The following DYNC2H1 variants were observed in gnomAD, a reference collection of about 807,000 sequenced individuals.
DYNC2H1 encodes the protein cytoplasmic dynein 2 heavy chain 1.
DYNC2H1 carries 410 observed loss-of-function variants against 570.0 expected under a neutral mutation model. The ratio of observed to expected loss-of-function variants is 0.72; its 90% CI spans 0.66 to 0.78. The LOEUF (loss-of-function observed/expected upper bound fraction) is 0.78. DYNC2H1 is among the 30% of genes least tolerant of loss of function. The pLI is 0.00. For synonymous variants in DYNC2H1, 1,688 were observed against 1,677.6 expected (o/e 1.01, Z -0.15); for missense variants, 4,865 against 5,046.4 (o/e 0.96, Z 1.09).
rs34816989 is a variant in DYNC2H1 at position 103,166,990 on chromosome 11, CTTTTTTT to C, written c.4762+957_4762+963del. ...TGGGTTTGGATCTCTGAGGCGCTGCCTTTTTTTTTTTTTTTTTTTTTGATTTTTCCTC... is the reference window on the plus strand; with the variant it reads ...TGGGTTTGGATCTCTGAGGCGCTGCCTTTTTTTTTTTTTTGATTTTTCCTC... On this transcript the variant is annotated intron_variant, in intron 31 of 88. Coordinates refer to ENST00000375735, the MANE Select transcript of DYNC2H1 (RefSeq NM_001377.3). Among the ~76,000 whole-genome samples, 183 of 56,992 alleles carry C rather than the reference CTTTTTTT, an allele frequency of 3.2e-3. 1 individual carries two copies. Among genetic ancestry groups the C allele is most frequent in the Non-Finnish European group, 3.7e-3 (123 of 32,932 alleles). 37.4% of individuals were successfully genotyped at this position (56,992 alleles called of 152,430 possible). A position where few individuals can be genotyped will look rare whatever the true frequency, so the allele number is the denominator to read the frequency against.
chr11:103,303,205 A>C lies in DYNC2H1; in HGVS notation c.11208A>C (p.Glu3736Asp). The C allele has an allele frequency of 1.2e-6, 2 of 1,612,776 alleles. No individual in the cohort carries two copies. The highest frequency in any genetic ancestry group is 1.7e-6 in the Non-Finnish European group (2 of 1,179,058). Residue 3736 changes from glutamate (E) to aspartate (D), a missense_variant, in exon 76 of 89, where the codon GAA (glutamate) becomes GAC (aspartate). Physicochemically the swap from Glu to Asp is conservative, Grantham distance 45. This residue lies in a region of DYNC2H1 where 2,401 missense variants were observed against 2,454.6 expected (regional missense o/e 0.98). Coordinates refer to ENST00000375735, the MANE Select transcript of DYNC2H1 (RefSeq NM_001377.3). ...IISPGADPSQELQELANAERS... is the reference protein window; with the variant it reads ...IISPGADPSQDLQELANAERS... ...CTCCGGGTGCTGATCCTTCTCAGGA[A>C]CTTCAAGAACTAGCTAATGCTGAAA... is the stretch of plus-strand genomic sequence containing the variant.
At chr11:103,153,578 T>G in intron 22 of DYNC2H1, 70 bp downstream of exon 22, 1 of 1,323,454 alleles carries the variant, frequency 7.6e-7, no homozygotes, top group Non-Finnish European at 1.0e-6. Context: ...CTAGTAATTT[T>G]CTTATGTCTG....
chr11:103,431,682 C>G (rs1229117887), intron 84 of DYNC2H1, among the ~76,000 whole-genome samples: 2 of 152,094 alleles, frequency 1.3e-5, no homozygotes, highest in African/African-American at 4.8e-5. Context: ...GTAACATAAT[C>G]TGTCCTTTGG....
At chr11:103,143,854 C>T (rs183010902) in intron 18 of DYNC2H1, among the ~76,000 whole-genome samples, 42 of 152,306 alleles carry the variant, frequency 2.8e-4, no homozygotes, top group African/African-American at 9.9e-4. Context: ...AGGGGCAACT[C>T]AGCTACTTGA....
chr11:103,376,296 G>T (rs1334852416), intron 83 of DYNC2H1, among the ~76,000 whole-genome samples: 2 of 152,204 alleles, frequency 1.3e-5, no homozygotes, highest in Non-Finnish European at 2.9e-5. Flanking sequence ...CTAATACAGA[G>T]AATTTAACCC....
intron 81 of DYNC2H1, among the ~76,000 whole-genome samples, chr11:103,323,090 C>G (rs1022844923): frequency 6.6e-6 from 1 of 152,200 alleles, no homozygotes; most frequent in African/African-American, 2.4e-5. Flanking sequence ...GAGGCCAAGT[C>G]TCCCATGCCT....
chr11:103,448,188 C>A (rs1944488760), intron 85 of DYNC2H1, among the ~76,000 whole-genome samples: 2 of 151,962 alleles, frequency 1.3e-5, no homozygotes, highest in Admixed American at 1.3e-4. Context: ...TAATAGTAAG[C>A]AAATCGGGGG....
intron 17 of DYNC2H1, among the ~76,000 whole-genome samples, chr11:103,137,890 T>G (rs1435719959): frequency 6.7e-6 from 1 of 150,058 alleles, no homozygotes; most frequent in Non-Finnish European, 1.5e-5. Flanking sequence ...CTTTGTATCC[T>G]CTTTTATTTC....
At chr11:103,191,022 A>T (rs938412648) in intron 45 of DYNC2H1, among the ~76,000 whole-genome samples, 1 of 124,582 alleles carries the variant, frequency 8.0e-6, no homozygotes, top group African/African-American at 3.1e-5. Flanking sequence ...ATATGTATAT[A>T]TATATATTTT....
At chr11:103,407,861 T>G (rs1384753140) in intron 84 of DYNC2H1, 1 of 151,764 alleles carries the variant, frequency 6.6e-6, no homozygotes, top group African/African-American at 2.4e-5. Context: ...ATGGTAGGAG[T>G]AGTCAGAGGA....
rs753691638 is a variant in DYNC2H1, at chr11:103,286,310, G to A, written c.10946G>A (p.Arg3649His). Reference protein sequence around the residue: ...TLCFEDAALWRTYYNNSMCEQ... With the variant: ...TLCFEDAALWHTYYNNSMCEQ... ...TGCTTTGAAGATGCAGCTCTGTGGC[G>A]TACTTATTATAATAATTCAATGTGT... Residue 3649 changes from arginine to histidine, a missense_variant, in exon 74 of 89, where the codon CGT becomes CAT. By Grantham distance (29) the Arg-to-His change is conservative. Coordinates refer to ENST00000375735, the MANE Select transcript of DYNC2H1 (RefSeq NM_001377.3). 4.2e-5 allele frequency: 68 copies of A among 1,613,670 alleles called. No individual in the cohort carries two copies. Among genetic ancestry groups the A allele is most frequent in the Middle Eastern group, 3.3e-4 (2 of 6,062 alleles).
intron 17 of DYNC2H1, among the ~76,000 whole-genome samples, chr11:103,136,197 T>C (rs1859536433): frequency 6.6e-6 from 1 of 150,740 alleles, no homozygotes; most frequent in Non-Finnish European, 1.5e-5. Context: ...TTTTTTTGGT[T>C]TTTTATTTTT....
At chr11:103,416,427 AAACTATACTACAAGGCTACAGTAACC>A (rs1267059163) in intron 84 of DYNC2H1, among the ~76,000 whole-genome samples, 3 of 152,238 alleles carry the variant, frequency 2.0e-5, no homozygotes, top group Non-Finnish European at 2.9e-5. Flanking sequence ...ACCTGACTTC[AAACTATACTACAAGGCTACAGTAACC>A]AAAACAGATT....
intron 54 of DYNC2H1, among the ~76,000 whole-genome samples, chr11:103,212,393 A>G (rs1160728124): frequency 1.3e-5 from 2 of 152,072 alleles, no homozygotes; most frequent in African/African-American, 4.8e-5. Flanking sequence ...ATTCACCACT[A>G]AAGAACTTAT....
chr11:103,421,580 A>C (rs1943490866), intron 84 of DYNC2H1, among the ~76,000 whole-genome samples: 1 of 152,222 alleles, frequency 6.6e-6, no homozygotes, highest in Admixed American at 6.5e-5. Flanking sequence ...ACTACATGGG[A>C]ATTGAACAAC....
rs1464052802 is a variant in DYNC2H1 at position 103,135,793 on chromosome 11, A to G, written c.2419A>G (p.Ile807Val). Reference protein sequence around the residue: ...AKYYREMKRFIGIPNQFKGVG... With the variant: ...AKYYREMKRFVGIPNQFKGVG... ...ATATTATAGAGAAATGAAGAGATTC[A>G]TCGGCATTCCAAATCAGTTTAAGGG... Residue 807 changes from isoleucine (I) to valine (V), a missense_variant, in exon 17 of 89, where the codon ATC becomes GTC. Ile to Val is a conservative substitution (Grantham distance 29). Around this residue, in one of 5 missense-constraint regions of DYNC2H1, gnomAD observed 1,936 missense variants for 1,962.1 expected, o/e 0.99. Transcript: ENST00000375735. 1.2e-6 allele frequency: 2 copies of G among 1,613,228 alleles called. No individual in the cohort carries two copies. Among genetic ancestry groups the G allele is most frequent in the Admixed American group, 1.7e-5 (1 of 59,850 alleles).
At chr11:103,137,708 G>C (rs1300149702) in intron 17 of DYNC2H1, among the ~76,000 whole-genome samples, 1 of 152,016 alleles carries the variant, frequency 6.6e-6, no homozygotes, top group Non-Finnish European at 1.5e-5. Flanking sequence ...TTGGCAATGT[G>C]GGCTCTTTTT....
At chr11:103,414,755 C>CA (rs1249538469) in intron 84 of DYNC2H1, among the ~76,000 whole-genome samples, 1 of 152,010 alleles carries the variant, frequency 6.6e-6, no homozygotes, top group Non-Finnish European at 1.5e-5. Flanking sequence ...AGCAAAGAGC[C>CA]AAATCATGAG....
At position 103,154,708 on chromosome 11, in the gene DYNC2H1, C is replaced by G; in HGVS notation, c.3472C>G (p.Leu1158Val). ...GGTATTTTATAGGACTAAGACATAC[C>G]TGTTTGAGGAATTTTTGATGAACTG... ...DWITFRTKTYLFEEFLMNWHD... is the reference protein window; with the variant it reads ...DWITFRTKTYVFEEFLMNWHD... The change falls in exon 24 of 89, where the codon CTG (leucine) becomes GTG (valine). Residue 1158 changes from leucine (L) to valine (V), a missense_variant. Physicochemically the swap from Leu to Val is conservative, Grantham distance 32. Around this residue, in one of 5 missense-constraint regions of DYNC2H1, gnomAD observed 1,936 missense variants for 1,962.1 expected, o/e 0.99. Transcript: ENST00000375735. 1 of 1,567,466 alleles carries G rather than the reference C, an allele frequency of 6.4e-7. No individual in the cohort carries two copies. The highest frequency in any genetic ancestry group is 8.6e-7 in the Non-Finnish European group (1 of 1,156,486).
Sources: allele counts gnomAD v4.1 joint callset (sites outside exome capture counted in the v4.1 genomes callset), GRCh38; gene constraint gnomAD v4.1.1; regional missense constraint gnomAD v4.1.1; transcripts MANE v1.5; gene names NCBI Gene and HGNC (gene_info 2026-07-23, HGNC 2026-07-21).